The following ACTA2 variants were observed in gnomAD, a reference collection of about 807,000 sequenced individuals.
ACTA2 encodes the protein actin, aortic smooth muscle.
Under a neutral mutation model 39.5 loss-of-function variants are expected in ACTA2, and 12 were observed. The observed-to-expected ratio is 0.30, with a 90% confidence interval of 0.19 to 0.49. ACTA2 has a LOEUF of 0.49. Among genes scored for constraint, ACTA2 ranks in the 20% least tolerant of loss-of-function variants. The pLI is 0.99. For missense variants in ACTA2, 236 were observed against 498.8 expected, an observed-to-expected ratio of 0.47 and a Z score of 5.02; for synonymous variants, 158 against 180.6, an observed-to-expected ratio of 0.88 and a Z score of 1.00.
intron 1 of ACTA2, among the ~76,000 whole-genome samples, chr10:88,984,052 C>G (rs1346207332): frequency 2.0e-5 from 3 of 152,152 alleles, no homozygotes; most frequent in Non-Finnish European, 4.4e-5. Context: ...CCTCTTCCTA[C>G]CTCAGGTGAG....
chr10:88,982,208 AT>A (rs1361183372), intron 1 of ACTA2, among the ~76,000 whole-genome samples: 1 of 152,218 alleles, frequency 6.6e-6, no homozygotes, highest in Non-Finnish European at 1.5e-5. Flanking sequence ...TGTGCACACA[AT>A]AAGAAGACCT....
At chr10:88,987,821 T>C (rs1044623258) in intron 1 of ACTA2, among the ~76,000 whole-genome samples, 7 of 152,238 alleles carry the variant, frequency 4.6e-5, no homozygotes, top group Non-Finnish European at 1.0e-4. Context: ...AGTCAAACAC[T>C]ATCTTAGATG....
At chr10:88,989,547 G>T in intron 1 of ACTA2, 1 of 543,224 alleles carries the variant, frequency 1.8e-6, no homozygotes, top group South Asian at 1.4e-5. Context: ...AGGTGGAACA[G>T]AGACAAGCCT....
intron 1 of ACTA2, among the ~76,000 whole-genome samples, chr10:88,962,667 A>T (rs1313033576): frequency 6.6e-6 from 1 of 152,072 alleles, no homozygotes; most frequent in Non-Finnish European, 1.5e-5. Flanking sequence ...AAATAAAAAG[A>T]AATGACCATT....
At chr10:88,963,637 G>A (rs140532361) in intron 1 of ACTA2, among the ~76,000 whole-genome samples, 140 of 152,240 alleles carry the variant, frequency 9.2e-4, no homozygotes, top group African/African-American at 2.8e-3. Flanking sequence ...GTGTTGGCAC[G>A]TCTCTGTCCC....
chr10:88,958,090 G>T (rs1025920944), intron 1 of ACTA2, among the ~76,000 whole-genome samples: 1 of 152,110 alleles, frequency 6.6e-6, no homozygotes, highest in Non-Finnish European at 1.5e-5. Flanking sequence ...GGTTAAGGGT[G>T]CCTCCTCTGT....
intron 1 of ACTA2, among the ~76,000 whole-genome samples, chr10:88,985,571 C>T (rs183608310): frequency 9.9e-4 from 151 of 152,332 alleles, no homozygotes; most frequent in African/African-American, 3.5e-3. Flanking sequence ...GTCCTCCCTG[C>T]CCATCCATTA....
intron 1 of ACTA2, among the ~76,000 whole-genome samples, chr10:88,983,851 AAG>A (rs1247662566): frequency 6.6e-6 from 1 of 152,232 alleles, no homozygotes; most frequent in Non-Finnish European, 1.5e-5. Context: ...GGGGATTTCA[AAG>A]CCAGGTGGAG....
At chr10:88,958,232 T>C (rs755215488) in intron 1 of ACTA2, among the ~76,000 whole-genome samples, 1 of 152,214 alleles carries the variant, frequency 6.6e-6, no homozygotes, top group Non-Finnish European at 1.5e-5. Context: ...ACCTGGAACA[T>C]TCAGTAAATG....
At chr10:88,951,318 A>G (rs1457940201) in intron 1 of ACTA2, among the ~76,000 whole-genome samples, 2 of 152,154 alleles carry the variant, frequency 1.3e-5, no homozygotes, top group Non-Finnish European at 2.9e-5. Context: ...AAGAGGATAA[A>G]ACATTTCAAA....
chr10:88,941,941 T>C, intron 4 of ACTA2, 72 bp from the exon 5 acceptor site: 1 of 1,392,656 alleles, frequency 7.2e-7, no homozygotes. Context: ...AGAGCACACC[T>C]GGTTGATGGA....
chr10:88,989,344 C>T (rs758790749), intron 1 of ACTA2: 1 of 311,230 alleles, frequency 3.2e-6, no homozygotes, highest in Non-Finnish European at 6.5e-6. Context: ...CTTCTTTTTA[C>T]ATTTTTTTAT....
intron 1 of ACTA2, among the ~76,000 whole-genome samples, chr10:88,960,479 G>C (rs1208092007): frequency 6.6e-6 from 1 of 152,098 alleles, no homozygotes; most frequent in East Asian, 1.9e-4. Flanking sequence ...GAGTGTTTTG[G>C]AGTTGGAATC....
chr10:88,941,709 C>T, intron 5 of ACTA2, 76 bp downstream of exon 5: 1 of 1,329,624 alleles, frequency 7.5e-7, no homozygotes. Context: ...TCCGTCACCC[C>T]CACGTGTTAA....
intron 1 of ACTA2, among the ~76,000 whole-genome samples, chr10:88,985,961 A>G: frequency 6.6e-6 from 1 of 152,116 alleles, no homozygotes; most frequent in East Asian, 1.9e-4. Context: ...TGGCATATTT[A>G]TTTTTATGGA....
In ACTA2 at chr10:88,990,505, C is replaced by T. The variant is rs1589438386; in HGVS notation, c.-24+434G>A. On this transcript the variant is annotated intron_variant, in intron 1 of 4. Coordinates refer to the ACTA2 transcript ENST00000415557. The surrounding 1 kb of genome is among the most constrained non-coding windows in gnomAD (Gnocchi z 4.9). ...CCATTTGTGCAACGAACCCTGACTC[C>T]TTCCTCACCCTGACTTCTCCCCCTC... The T allele has an allele frequency of 1.7e-6, 1 of 585,268 alleles. No individual in the cohort carries two copies. Among genetic ancestry groups the T allele is most frequent in the Non-Finnish European group, 3.2e-6 (1 of 310,308 alleles). 36.3% of individuals were successfully genotyped at this position (585,268 alleles called of 1,614,324 possible).
At chr10:88,940,418 ATTCAAC>A (rs1845827185) in intron 6 of ACTA2, 1 of 154,774 alleles carries the variant, frequency 6.5e-6, no homozygotes, top group African/African-American at 2.4e-5. Context: ...GAATGCAATT[ATTCAAC>A]TTCATATTGC....
At chr10:88,945,417 CGTA>C (rs1355925978) in intron 3 of ACTA2, among the ~76,000 whole-genome samples, 2 of 151,916 alleles carry the variant, frequency 1.3e-5, no homozygotes, top group Non-Finnish European at 2.9e-5. Context: ...AAATTGTGTG[CGTA>C]GTAGTAGTAG....
At position 88,962,082 on chromosome 10, in the gene ACTA2, G is replaced by A. The variant is rs141418746; in HGVS notation, c.-23-13129C>T. ...ACTGAAAAGGCCAAGTGGTACTTCT[G>A]ATAAACAGAGGACCTAGGTCTCCTG... is the stretch of plus-strand genomic sequence containing the variant. On this transcript the variant is annotated intron_variant, in intron 1 of 4. Coordinates refer to the ACTA2 transcript ENST00000415557. Among the ~76,000 whole-genome samples the A allele has an allele frequency of 3.9e-4, 60 of 152,252 alleles. 2 individuals carry two copies. The East Asian group carries it at 9.8e-3, about 25-fold the overall frequency.
Sources: allele counts gnomAD v4.1 joint callset (sites outside exome capture counted in the v4.1 genomes callset), GRCh38; gene constraint gnomAD v4.1.1; non-coding constraint Gnocchi (gnomAD v3.1); transcripts MANE v1.5; gene names NCBI Gene and HGNC (gene_info 2026-07-23, HGNC 2026-07-21).